ZNF280D: variants seen among roughly 807,000 people sequenced by gnomAD.
ZNF280D encodes suppressor of hairy wing homolog 4.
ZNF280D carries 39 observed loss-of-function variants against 94.7 expected under a neutral mutation model. The observed-to-expected ratio is 0.41, with a 90% CI of 0.32 to 0.54. The LOEUF (loss-of-function observed/expected upper bound fraction) is 0.54, where lower values mean the gene tolerates loss of function less well. Among genes scored for constraint, ZNF280D ranks in the 20% least tolerant of loss-of-function variants. The pLI is 0.22. For missense variants in ZNF280D, 1,090 were observed against 1,149.3 expected, an observed-to-expected ratio of 0.95 and a Z score of 0.75; for synonymous variants, 398 against 377.6, an observed-to-expected ratio of 1.05 and a Z score of -0.63.
In ZNF280D at chr15:56,678,828, A is replaced by G; in HGVS notation, c.1005-7T>C. 6.4e-7 allele frequency: 1 copy of G among 1,557,348 alleles called. No individual in the cohort carries two copies. Among genetic ancestry groups the G allele is most frequent in the Non-Finnish European group, 8.7e-7 (1 of 1,152,482 alleles). On this transcript the variant is annotated splice_region_variant and splice_polypyrimidine_tract_variant and intron_variant, in intron 10 of 21. Coordinates refer to ENST00000267807, the MANE Select transcript of ZNF280D (RefSeq NM_017661.4). The stretch of plus-strand genomic sequence containing the variant: ...TTTCATGTGGTTCATAAACCTATAA[A>G]TGGTTGTCAACAGGTGCAAAACTTG...
In ZNF280D at chr15:56,654,516, G is replaced by C; in HGVS notation, c.2058-13C>G. ...TAGAGTAATGCCCCTAAAAAAAAAA[G>C]CATTAAAAAAAGATTTTTATCTTTT... is the stretch of plus-strand genomic sequence containing the variant. On this transcript the variant is annotated splice_polypyrimidine_tract_variant and intron_variant, in intron 17 of 21. Coordinates refer to ENST00000267807, the MANE Select transcript of ZNF280D (RefSeq NM_017661.4). 1 of 1,497,994 alleles carries C rather than the reference G, an allele frequency of 6.7e-7. No homozygotes were observed. Among genetic ancestry groups the C allele is most frequent in the Non-Finnish European group, 9.0e-7 (1 of 1,110,874 alleles). 92.8% of individuals were successfully genotyped at this position (1,497,994 alleles called of 1,614,324 possible). A position where few individuals can be genotyped will look rare whatever the true frequency, so the allele number is the denominator to read the frequency against.
chr15:56,647,154 T>G lies in ZNF280D; in HGVS notation c.2214-4157A>C, dbSNP rs145460526. On this transcript the variant is annotated intron_variant, in intron 19 of 21. Coordinates refer to ENST00000267807, the MANE Select transcript of ZNF280D (RefSeq NM_017661.4). ...TGCATCAGAAAGACAAAGGTCTGTA[T>G]TGGTAGAAGACAAGCTGAGAGTCCA... 9.1e-4 allele frequency among the ~76,000 whole-genome samples: 139 copies of G among 152,318 alleles called. 1 individual carries two copies. Among genetic ancestry groups the G allele is most frequent in the Admixed American group, 1.6e-3 (25 of 15,296 alleles).
At chr15:56,675,097 T>A (rs1402547892) in intron 13 of ZNF280D, among the ~76,000 whole-genome samples, 1 of 151,946 alleles carries the variant, frequency 6.6e-6, no homozygotes, top group Non-Finnish European at 1.5e-5. Flanking sequence ...GCTATCTACC[T>A]CCCAGGCACT....
At chr15:56,727,709 A>G (rs1048159047) in intron 1 of ZNF280D, among the ~76,000 whole-genome samples, 2 of 152,202 alleles carry the variant, frequency 1.3e-5, no homozygotes. Flanking sequence ...AAGGCATTTC[A>G]CAACTATTAG....
rs752976383 is a variant in ZNF280D at position 56,731,506 on chromosome 15, CAAAAAAAA to C, written c.-86+1944_-86+1951del. 4.9e-5 allele frequency among the ~76,000 whole-genome samples: 4 copies of C among 80,870 alleles called. No homozygotes were observed. In the Admixed American group the frequency reaches 5.1e-4, roughly 10 times the overall value. The allele number at this position is 80,870 out of a possible 152,430, so 53.1% of individuals were successfully genotyped here. On this transcript the variant is annotated intron_variant, in intron 1 of 21. Coordinates refer to ENST00000267807, the MANE Select transcript of ZNF280D (RefSeq NM_017661.4). ...TGGGACACAGAGCAAGTACCTATCTCAAAAAAAAAAAAAAAAAAAAAAGACTGAAAAGG... is the reference window on the plus strand; with the variant it reads ...TGGGACACAGAGCAAGTACCTATCTCAAAAAAAAAAAAAAGACTGAAAAGG...
rs573529909 is a variant in ZNF280D, at chr15:56,668,196, T to C, written c.1545+627A>G. 7 of 453,864 alleles carry C rather than the reference T, an allele frequency of 1.5e-5. No individual in the cohort carries two copies. In the East Asian group the frequency reaches 4.9e-4, roughly 32 times the overall value. 28.1% of individuals were successfully genotyped at this position (453,864 alleles called of 1,614,324 possible). A position where few individuals can be genotyped will look rare whatever the true frequency, so the allele number is the denominator to read the frequency against. On this transcript the variant is annotated intron_variant, in intron 14 of 21. Transcript: ENST00000267807. ...TTTGGGGATTATTCACTTTGGATTA[T>C]CCATGCCTCTGTTTCCCTCCACTGG...
chr15:56,638,567 G>T (rs1165998283), intron 20 of ZNF280D, among the ~76,000 whole-genome samples: 13 of 152,022 alleles, frequency 8.6e-5, no homozygotes, highest in Non-Finnish European at 1.6e-4. Flanking sequence ...AGAAACATGA[G>T]AATCCAATTT....
At chr15:56,683,919 G>A (rs767092254) in intron 9 of ZNF280D, among the ~76,000 whole-genome samples, 1 of 152,188 alleles carries the variant, frequency 6.6e-6, no homozygotes, top group Non-Finnish European at 1.5e-5. Flanking sequence ...GTAAACCAGA[G>A]AAGTAAAGGG....
At chr15:56,712,729 A>T (rs1445582696) in intron 1 of ZNF280D, among the ~76,000 whole-genome samples, 1 of 146,362 alleles carries the variant, frequency 6.8e-6, no homozygotes, top group East Asian at 2.0e-4. Context: ...TATGAGGAAC[A>T]TGGTGAATGG....
At chr15:56,689,000 T>C in intron 9 of ZNF280D, 41 bp downstream of exon 9, 2 of 1,351,370 alleles carry the variant, frequency 1.5e-6, no homozygotes, top group Non-Finnish European at 2.1e-6. Flanking sequence ...TTTTTAGAAA[T>C]GTGCAAACTT....
At chr15:56,676,550 A>T in intron 13 of ZNF280D, 120 bp downstream of exon 13, 1 of 803,952 alleles carries the variant, frequency 1.2e-6, no homozygotes, top group Non-Finnish European at 1.8e-6. Flanking sequence ...AGTGTAAATT[A>T]ATAGTGTCAT....
intron 19 of ZNF280D, 156 bp downstream of exon 19, chr15:56,654,042 T>G: frequency 6.7e-7 from 1 of 1,485,830 alleles, no homozygotes; most frequent in East Asian, 2.4e-5. Context: ...ACGAGCTCCA[T>G]AGAGCAGGAA....
At chr15:56,641,965 T>C (rs1275181915) in intron 20 of ZNF280D, among the ~76,000 whole-genome samples, 3 of 151,572 alleles carry the variant, frequency 2.0e-5, no homozygotes, top group African/African-American at 4.8e-5. Context: ...TTAAAATATA[T>C]AATAAGAATA....
chr15:56,681,009 C>T (rs1411175189), intron 10 of ZNF280D, among the ~76,000 whole-genome samples: 1 of 152,114 alleles, frequency 6.6e-6, no homozygotes, highest in Non-Finnish European at 1.5e-5. Context: ...ATACACTTTC[C>T]CTTTTGTTAA....
rs145096611 is a variant in ZNF280D, at chr15:56,726,897, A to C, written c.-86+6561T>G. Among the ~76,000 whole-genome samples, 384 of 152,308 alleles carry C rather than the reference A, an allele frequency of 2.5e-3. 2 individuals carry two copies. The highest frequency in any genetic ancestry group is 8.0e-3 in the African/African-American group (332 of 41,564). Reference sequence around the variant, plus strand: ...TGAAAAGACAGATTCACAAGAGAAGAAGCATACAATTTTTATTAATATTGA... The same window carrying C: ...TGAAAAGACAGATTCACAAGAGAAGCAGCATACAATTTTTATTAATATTGA... On this transcript the variant is annotated intron_variant, in intron 1 of 21. Transcript: ENST00000267807.
intron 1 of ZNF280D, among the ~76,000 whole-genome samples, chr15:56,712,524 G>A (rs1242165086): frequency 1.6e-5 from 2 of 125,680 alleles, no homozygotes; most frequent in African/African-American, 3.0e-5. Flanking sequence ...GCTATAAGAG[G>A]TTGAGGCTGC....
intron 20 of ZNF280D, 56 bp downstream of exon 20, chr15:56,642,896 C>G (rs1454703202): frequency 1.3e-5 from 17 of 1,273,126 alleles, no homozygotes; most frequent in Non-Finnish European, 1.7e-5. Flanking sequence ...TTATATCATA[C>G]CAATAATACT....
chr15:56,669,941 TA>T lies in ZNF280D; in HGVS notation c.1411-985del, dbSNP rs1566960678. On this transcript the variant is annotated intron_variant, in intron 13 of 21. Transcript: ENST00000267807. ...ATATATATATTATATATATATTATA[TA>T]TATATATTATATATATATATTATAT... is the stretch of plus-strand genomic sequence containing the variant. Among the ~76,000 whole-genome samples the T allele has an allele frequency of 3.7e-3, 17 of 4,620 alleles. 6 individuals carry two copies. The highest frequency in any genetic ancestry group is 0.016 in the South Asian group (2 of 128). The allele number at this position is 4,620 out of a possible 152,430, so 3.0% of individuals were successfully genotyped here.
intron 19 of ZNF280D, among the ~76,000 whole-genome samples, chr15:56,649,711 A>G (rs1466620064): frequency 3.3e-5 from 5 of 152,094 alleles, no homozygotes; most frequent in African/African-American, 1.2e-4. Flanking sequence ...GACCAGAGCC[A>G]ATAATTCCTC....
Sources: gnomAD v4.1 joint callset for allele counts (sites outside exome capture counted in the v4.1 genomes callset) on GRCh38, gnomAD v4.1.1 for gene constraint, MANE v1.5 for transcripts, NCBI Gene and HGNC (gene_info 2026-07-23, HGNC 2026-07-21) for gene names.